SEL1L: variants seen among roughly 807,000 people sequenced by gnomAD.
The protein encoded by SEL1L is protein sel-1 homolog 1.
Under a neutral mutation model 109.8 loss-of-function variants are expected in SEL1L, and 52 were observed. The ratio of observed to expected loss-of-function variants is 0.47; its 90% CI spans 0.38 to 0.60. The LOEUF (loss-of-function observed/expected upper bound fraction) is 0.60. Among genes scored for constraint, SEL1L ranks in the 20% least tolerant of loss-of-function variants. The pLI, the probability that SEL1L is intolerant of heterozygous loss-of-function variation, is 0.00. For missense variants in SEL1L, 749 were observed against 962.2 expected, an observed-to-expected ratio of 0.78 and a Z score of 2.93; for synonymous variants, 373 against 339.6, an observed-to-expected ratio of 1.10 and a Z score of -1.08.
intron 1 of SEL1L, among the ~76,000 whole-genome samples, chr14:81,531,998 T>C (rs1409221611): frequency 1.3e-5 from 2 of 152,234 alleles, no homozygotes; most frequent in Non-Finnish European, 2.9e-5. Context: ...AGAGCAGACA[T>C]TTCTTGAATA....
intron 3 of SEL1L, among the ~76,000 whole-genome samples, chr14:81,516,434 C>T (rs1884704578): frequency 6.6e-6 from 1 of 152,112 alleles, no homozygotes; most frequent in African/African-American, 2.4e-5. Flanking sequence ...CCTGGAAGTC[C>T]CAGGACCCTT....
intron 11 of SEL1L, among the ~76,000 whole-genome samples, chr14:81,493,741 C>T (rs1883635472): frequency 6.6e-6 from 1 of 152,144 alleles, no homozygotes; most frequent in African/African-American, 2.4e-5. Flanking sequence ...CTCATCAAGG[C>T]CAGTGATGAT....
At chr14:81,493,529 T>C (rs201416795) in intron 11 of SEL1L, among the ~76,000 whole-genome samples, 1 of 127,716 alleles carries the variant, frequency 7.8e-6, no homozygotes, top group Non-Finnish European at 1.7e-5. Context: ...AATAAATAAA[T>C]AAAATAAATA....
intron 11 of SEL1L, 121 bp from the exon 12 acceptor site, chr14:81,492,669 CAAG>C (rs1448796659): frequency 3.2e-6 from 2 of 622,234 alleles, no homozygotes; most frequent in African/African-American, 3.7e-5. Context: ...GCTTTAAAAA[CAAG>C]AATACCCAGT....
chr14:81,510,529 T>TAG (rs1884436377), intron 3 of SEL1L, among the ~76,000 whole-genome samples: 2 of 148,270 alleles, frequency 1.3e-5, no homozygotes, highest in Admixed American at 1.4e-4. Context: ...TATATATATA[T>TAG]AGACAATTAA....
chr14:81,522,281 T>C (rs1884941279), intron 3 of SEL1L, among the ~76,000 whole-genome samples: 1 of 152,196 alleles, frequency 6.6e-6, no homozygotes, highest in Non-Finnish European at 1.5e-5. Flanking sequence ...TGTACAGCAA[T>C]GTCCCAGGCC....
chr14:81,503,221 G>T (rs1361306384), intron 5 of SEL1L, among the ~76,000 whole-genome samples: 1 of 151,938 alleles, frequency 6.6e-6, no homozygotes, highest in African/African-American at 2.4e-5. Flanking sequence ...CGAACTCCTG[G>T]TCACCTCAGC....
chr14:81,486,762 AT>A (rs1903533292), intron 16 of SEL1L, among the ~76,000 whole-genome samples: 1 of 152,080 alleles, frequency 6.6e-6, no homozygotes, highest in East Asian at 1.9e-4. Flanking sequence ...CATGAGATTC[AT>A]GAGGAACCAC....
chr14:81,509,535 A>G (rs1033133064), intron 3 of SEL1L, among the ~76,000 whole-genome samples: 2 of 152,260 alleles, frequency 1.3e-5, no homozygotes, highest in African/African-American at 4.8e-5. Flanking sequence ...GAAGATATTT[A>G]TAGTACAGAA....
At chr14:81,513,614 C>G (rs1884577126) in intron 3 of SEL1L, among the ~76,000 whole-genome samples, 1 of 152,156 alleles carries the variant, frequency 6.6e-6, no homozygotes, top group Non-Finnish European at 1.5e-5. Flanking sequence ...CCATCAGACC[C>G]CTTTCGTTTG....
rs148329560 is a variant in SEL1L, at chr14:81,488,325, T to C, written c.1396-383A>G. Among the ~76,000 whole-genome samples the C allele has an allele frequency of 4.2e-3, 643 of 152,316 alleles. 6 individuals carry two copies. Among genetic ancestry groups the C allele is most frequent in the African/African-American group, 0.015 (621 of 41,570 alleles). ...TATCTCCTTATTCATTTATTCCGTG[T>C]ACCTTACCAAACACTATGACTATTA... On this transcript the variant is annotated intron_variant, in intron 14 of 20. Transcript: ENST00000336735.
At chr14:81,495,408 GGT>G (rs1277953552) in intron 10 of SEL1L, among the ~76,000 whole-genome samples, 1 of 152,160 alleles carries the variant, frequency 6.6e-6, no homozygotes, top group Admixed American at 6.5e-5. Context: ...GGAGGTCATG[GGT>G]GAATCACTTG....
At chr14:81,530,194 A>G (rs1885270204) in intron 1 of SEL1L, among the ~76,000 whole-genome samples, 1 of 152,248 alleles carries the variant, frequency 6.6e-6, no homozygotes. Context: ...GAAAGTCTAA[A>G]TAGTTTGGTG....
Position 81,485,720 on chromosome 14 carries a change from C to T in SEL1L, c.1825G>A (p.Glu609Lys). ...QREASIVGEN[E>K]TYPRALLHWN... ...TGTAGCAAAGCTCTGGGATAAGTTT[C>T]ATTCTCACCTACAATGCTTGCTTCT... Residue 609 changes from glutamate (E) to lysine (K), a missense_variant, in exon 18 of 21, where the codon GAA (glutamate) becomes AAA (lysine). Physicochemically the swap from Glu to Lys is moderately conservative, Grantham distance 56 (BLOSUM62 1). Coordinates refer to ENST00000336735, the MANE Select transcript of SEL1L (RefSeq NM_005065.6). 1 of 1,614,036 alleles carries T rather than the reference C, an allele frequency of 6.2e-7. No individual in the cohort carries two copies. The highest frequency in any genetic ancestry group is 1.1e-5 in the South Asian group (1 of 91,072).
chr14:81,526,751 T>C lies in SEL1L; in HGVS notation c.322A>G (p.Lys108Glu), dbSNP rs756896407. 2.5e-6 allele frequency: 4 copies of C among 1,612,674 alleles called. No individual in the cohort carries two copies. The African/African-American group carries it at 5.3e-5, about 22-fold the overall frequency. The change falls in exon 3 of 21, where the codon AAG becomes GAG. Residue 108 changes from lysine (K) to glutamate (E), a missense_variant. Physicochemically the swap from Lys to Glu is moderately conservative, Grantham distance 56 (BLOSUM62 1). This residue lies in a region of SEL1L where 366 missense variants were observed against 399.8 expected (regional missense o/e 0.92). Coordinates refer to ENST00000336735, the MANE Select transcript of SEL1L (RefSeq NM_005065.6). ...NPENKDYEEPKKVRKPALTAI... is the reference protein window; with the variant it reads ...NPENKDYEEPEKVRKPALTAI... Reference sequence around the variant, plus strand: ...AGACTACCTGGTTTCCGTACTTTCTTTGGCTCTTCATAGTCCTTGTTTTCT... The same window carrying C: ...AGACTACCTGGTTTCCGTACTTTCTCTGGCTCTTCATAGTCCTTGTTTTCT...
chr14:81,505,562 T>C lies in SEL1L; in HGVS notation c.508+512A>G, dbSNP rs1884207109. On this transcript the variant is annotated intron_variant, in intron 4 of 20. Coordinates refer to ENST00000336735, the MANE Select transcript of SEL1L (RefSeq NM_005065.6). ...AGGGATTATGTTCAAGATTTTCTGT[T>C]GTTTTTTCATAGTTAGGAAGTTTTT... 2.0e-5 allele frequency among the ~76,000 whole-genome samples: 3 copies of C among 152,168 alleles called. No individual in the cohort carries two copies. The South Asian group carries it at 6.2e-4, about 31-fold the overall frequency.
chr14:81,496,176 T>C (rs940754795), intron 10 of SEL1L, among the ~76,000 whole-genome samples: 1 of 151,546 alleles, frequency 6.6e-6, no homozygotes, highest in African/African-American at 2.4e-5. Context: ...ACAAAAAAAT[T>C]AGCCGGGCAT....
rs746844816 is a variant in SEL1L, at chr14:81,474,579, T to C, written c.*2393A>G. On this transcript the variant is annotated 3_prime_UTR_variant, in exon 21 of 21. Transcript: ENST00000336735. ...TGGATGCCATTTGATTAGGTAAGTA[T>C]TGAGCATTATTTTAGGAGAAAAACC... is the stretch of plus-strand genomic sequence containing the variant. The C allele has an allele frequency of 3.9e-5, 6 of 152,210 alleles. No individual in the cohort carries two copies. Among genetic ancestry groups the C allele is most frequent in the East Asian group, 1.9e-4 (1 of 5,200 alleles). The allele number at this position is 152,210 out of a possible 1,614,324, so 9.4% of individuals were successfully genotyped here. A position where few individuals can be genotyped will look rare whatever the true frequency, so the allele number is the denominator to read the frequency against.
At chr14:81,504,966 C>A (rs1228502498) in intron 4 of SEL1L, among the ~76,000 whole-genome samples, 2 of 152,124 alleles carry the variant, frequency 1.3e-5, no homozygotes, top group Non-Finnish European at 2.9e-5. Context: ...GTACAGCTTG[C>A]AGAACTGTGA....
Sources: allele counts gnomAD v4.1 joint callset (sites outside exome capture counted in the v4.1 genomes callset), GRCh38; gene constraint gnomAD v4.1.1; regional missense constraint gnomAD v4.1.1; transcripts MANE v1.5; gene names NCBI Gene and HGNC (gene_info 2026-07-23, HGNC 2026-07-21).